The following PDE4D variants were observed in gnomAD, a reference collection of about 807,000 sequenced individuals.
PDE4D encodes 3',5'-cyclic-AMP phosphodiesterase 4D.
Under a neutral mutation model 87.4 loss-of-function variants are expected in PDE4D, and 24 were observed. The observed-to-expected ratio is 0.27, with a 90% CI of 0.20 to 0.39. The LOEUF is 0.39. PDE4D is among the 10% of genes least tolerant of loss of function. The probability of loss-of-function intolerance (pLI) is 1.00; values close to 1 mark genes in which losing one functional copy is unlikely to be tolerated. For missense variants in PDE4D, 714 were observed against 1,041.0 expected, an observed-to-expected ratio of 0.69 and a Z score of 4.32; for synonymous variants, 384 against 383.2, an observed-to-expected ratio of 1.00 and a Z score of -0.02.
chr5:59,780,973 C>A (rs1581076839), intron 1 of PDE4D, among the ~76,000 whole-genome samples: 3 of 151,746 alleles, frequency 2.0e-5, no homozygotes, highest in Admixed American at 2.0e-4. Context: ...TCGAGACCAG[C>A]CTGACTAACG....
Position 59,565,772 on chromosome 5 carries a change from CTA to C in PDE4D, c.455+327394_455+327395del, listed in dbSNP as rs139228490. Reference sequence around the variant, plus strand: ...TCAGAATGCTGAAGTGCAGCTGTGCCTATGTTTTCTTCCTCCTGTCCTCTGCC... The same window carrying C: ...TCAGAATGCTGAAGTGCAGCTGTGCCTGTTTTCTTCCTCCTGTCCTCTGCC... On this transcript the variant is annotated intron_variant, in intron 1 of 14. Transcript: ENST00000340635. Among the ~76,000 whole-genome samples the C allele has an allele frequency of 8.5e-3, 1,296 of 152,278 alleles. 11 individuals are homozygous for C. The highest frequency in any genetic ancestry group is 0.019 in the African/African-American group (785 of 41,558).
At chr5:59,574,139 TATATAA>T (rs201425477) in intron 1 of PDE4D, among the ~76,000 whole-genome samples, 5 of 3,478 alleles carry the variant, frequency 1.4e-3, no homozygotes, top group Non-Finnish European at 1.8e-3. Flanking sequence ...TATATATATA[TATATAA>T]ATATATATTT....
chr5:60,055,935 A>G (rs1172174260), intron 2 of PDE4D, among the ~76,000 whole-genome samples: 2 of 152,098 alleles, frequency 1.3e-5, no homozygotes, highest in Admixed American at 1.3e-4. Context: ...AAGGGAAAGG[A>G]GAAGCAAGGA....
intron 1 of PDE4D, among the ~76,000 whole-genome samples, chr5:60,512,621 AT>A (rs2150257119): frequency 6.6e-6 from 1 of 152,364 alleles, no homozygotes; most frequent in African/African-American, 2.4e-5. Context: ...ACAATGAAAC[AT>A]CTTCAAATGC....
chr5:59,121,476 C>A (rs1483423854), intron 5 of PDE4D, among the ~76,000 whole-genome samples: 1 of 151,738 alleles, frequency 6.6e-6, no homozygotes, highest in Non-Finnish European at 1.5e-5. Flanking sequence ...CAAGGAAATG[C>A]AAATTGATAC....
intron 1 of PDE4D, among the ~76,000 whole-genome samples, chr5:59,668,804 A>AAAGAAGAAGAAGAAGAAGAAGAAG (rs569736039): frequency 1.8e-5 from 2 of 108,210 alleles, no homozygotes; most frequent in African/African-American, 8.1e-5. Context: ...GAAGAAGAAG[A>AAAGAAGAAGAAGAAGAAGAAGAAG]AAGAAGAAGA....
chr5:60,203,033 C>T (rs1193574972), intron 1 of PDE4D, among the ~76,000 whole-genome samples: 11 of 152,144 alleles, frequency 7.2e-5, no homozygotes, highest in Non-Finnish European at 1.5e-4. Context: ...AGTGCAGTGG[C>T]GCAATCTTGG....
intron 1 of PDE4D, among the ~76,000 whole-genome samples, chr5:59,743,999 G>A (rs1012914487): frequency 6.6e-6 from 1 of 152,110 alleles, no homozygotes; most frequent in African/African-American, 2.4e-5. Flanking sequence ...TAGATAGAAT[G>A]CAGTTAATAA....
chr5:59,053,358 T>TAC (rs1372087186), intron 5 of PDE4D, among the ~76,000 whole-genome samples: 2 of 103,636 alleles, frequency 1.9e-5, no homozygotes, highest in Admixed American at 1.2e-4. Flanking sequence ...ATAATGGGTG[T>TAC]ACATACACAC....
At chr5:59,570,391 T>G (rs1023956243) in intron 1 of PDE4D, among the ~76,000 whole-genome samples, 1 of 152,186 alleles carries the variant, frequency 6.6e-6, no homozygotes, top group Non-Finnish European at 1.5e-5. Flanking sequence ...AATTAATAAT[T>G]CAAGGACACA....
chr5:58,973,439 A>T lies in PDE4D; in HGVS notation c.*1225T>A, dbSNP rs1742970953. 1 of 149,320 alleles carries T rather than the reference A, an allele frequency of 6.7e-6. No homozygotes were observed. The highest frequency in any genetic ancestry group is 1.5e-5 in the Non-Finnish European group (1 of 65,640). 9.2% of individuals were successfully genotyped at this position (149,320 alleles called of 1,614,324 possible). On this transcript the variant is annotated 3_prime_UTR_variant, in exon 15 of 15. Transcript: ENST00000340635. Reference sequence around the variant, plus strand: ...ATAACTGGCTGTAAAAACAATAAAAATGAGCATGAAATGTGTGGATTATTA... The same window carrying T: ...ATAACTGGCTGTAAAAACAATAAAATTGAGCATGAAATGTGTGGATTATTA...
At chr5:59,395,143 G>C (rs10214073) in intron 1 of PDE4D, among the ~76,000 whole-genome samples, 24,887 of 151,444 alleles carry the variant, frequency 0.16, 2,189 homozygotes, top group East Asian at 0.2. Flanking sequence ...AGGCAGCGGC[G>C]AGGCTGGGGG....
At chr5:59,695,965 A>G (rs990746865) in intron 1 of PDE4D, among the ~76,000 whole-genome samples, 2 of 152,226 alleles carry the variant, frequency 1.3e-5, no homozygotes, top group African/African-American at 4.8e-5. Context: ...AAGTCATTCA[A>G]CTCGACATGT....
chr5:59,439,228 A>G (rs1797224991), intron 1 of PDE4D, among the ~76,000 whole-genome samples: 1 of 152,034 alleles, frequency 6.6e-6, no homozygotes, highest in South Asian at 2.1e-4. Flanking sequence ...GCATGGTGGC[A>G]CACACCTGTA....
chr5:59,331,384 C>T (rs546723906), intron 1 of PDE4D, among the ~76,000 whole-genome samples: 2 of 152,220 alleles, frequency 1.3e-5, no homozygotes, highest in South Asian at 2.1e-4. Flanking sequence ...GTCTTCTCTG[C>T]GTGTGCGCGT....
intron 1 of PDE4D, among the ~76,000 whole-genome samples, chr5:59,729,655 T>C (rs1316175110): frequency 6.6e-6 from 1 of 151,980 alleles, no homozygotes; most frequent in Admixed American, 6.6e-5. Flanking sequence ...ATTTTAACTA[T>C]CTTCATACTA....
chr5:59,617,490 A>G (rs1162130979), intron 1 of PDE4D, among the ~76,000 whole-genome samples: 1 of 152,200 alleles, frequency 6.6e-6, no homozygotes, highest in Non-Finnish European at 1.5e-5. Flanking sequence ...ACCTTACTGG[A>G]AATAGGATTG....
At chr5:59,094,281 T>C (rs1407897044) in intron 5 of PDE4D, among the ~76,000 whole-genome samples, 5 of 121,850 alleles carry the variant, frequency 4.1e-5, no homozygotes, top group Admixed American at 4.0e-4. Flanking sequence ...TTTTAAATCA[T>C]GACCAAAATA....
intron 6 of PDE4D, among the ~76,000 whole-genome samples, chr5:59,001,699 A>C (rs1189123369): frequency 1.3e-5 from 2 of 152,104 alleles, no homozygotes; most frequent in African/African-American, 4.8e-5. Context: ...TCTAACTTGA[A>C]CTTCAGTGCC....
Sources: gnomAD v4.1 joint callset for allele counts (sites outside exome capture counted in the v4.1 genomes callset) on GRCh38, gnomAD v4.1.1 for gene constraint, MANE v1.5 for transcripts, NCBI Gene and HGNC (gene_info 2026-07-23, HGNC 2026-07-21) for gene names.